Variants in TTC1 observed in about 807,000 individuals in gnomAD.
TTC1 encodes the protein tetratricopeptide repeat protein 1.
TTC1 carries 31 observed loss-of-function variants against 37.6 expected under a neutral mutation model. The observed-to-expected ratio is 0.82, with a 90% CI of 0.62 to 1.11. TTC1 has a LOEUF of 1.11. Among genes scored for constraint, TTC1 ranks in the 50% most tolerant of loss-of-function variants. TTC1 has a pLI of 0.00. For synonymous variants in TTC1, 127 were observed against 122.4 expected (o/e 1.04, Z -0.25); for missense variants, 351 against 339.0 (o/e 1.04, Z -0.28).
At chr5:160,026,079 G>A (rs1049096212) in intron 2 of TTC1, among the ~76,000 whole-genome samples, 3 of 152,196 alleles carry the variant, frequency 2.0e-5, no homozygotes, top group African/African-American at 7.2e-5. Flanking sequence ...ACTTAGAAGA[G>A]CTCTTTAAAA....
At chr5:160,025,406 C>T (rs2113356033) in intron 2 of TTC1, among the ~76,000 whole-genome samples, 1 of 152,324 alleles carries the variant, frequency 6.6e-6, no homozygotes, top group African/African-American at 2.4e-5. Flanking sequence ...AAGCAATCCA[C>T]CCTCCTTGGC....
intron 3 of TTC1, among the ~76,000 whole-genome samples, chr5:160,036,248 A>G (rs1756996863): frequency 6.6e-6 from 1 of 152,224 alleles, no homozygotes; most frequent in Non-Finnish European, 1.5e-5. Flanking sequence ...TGACTGTATG[A>G]AAGCACAACA....
At chr5:160,015,132 G>C (rs763541383) in intron 2 of TTC1, among the ~76,000 whole-genome samples, 1 of 152,172 alleles carries the variant, frequency 6.6e-6, no homozygotes, top group Non-Finnish European at 1.5e-5. Context: ...GTTTTAGAGG[G>C]TTGGAACTTT....
intron 2 of TTC1, among the ~76,000 whole-genome samples, chr5:160,027,186 G>A (rs1039005779): frequency 2.0e-5 from 3 of 151,868 alleles, no homozygotes; most frequent in Non-Finnish European, 4.4e-5. Context: ...ACACCACCAT[G>A]CCCAGCTAAT....
At chr5:160,038,633 G>C (rs1207330497) in intron 4 of TTC1, among the ~76,000 whole-genome samples, 1 of 146,364 alleles carries the variant, frequency 6.8e-6, no homozygotes, top group Non-Finnish European at 1.5e-5. Context: ...TGTTGGTGAA[G>C]TTTTCTGTTC....
intron 7 of TTC1, among the ~76,000 whole-genome samples, chr5:160,059,883 G>A (rs893145644): frequency 2.0e-5 from 3 of 152,184 alleles, no homozygotes; most frequent in African/African-American, 7.2e-5. Flanking sequence ...ACGTGCTATT[G>A]GAAAAATTGT....
At position 160,057,312 on chromosome 5, in the gene TTC1, A is replaced by T. The variant is rs951891802; in HGVS notation, c.745+6129A>T. Among the ~76,000 whole-genome samples, 1 of 152,216 alleles carries T rather than the reference A, an allele frequency of 6.6e-6. No individual in the cohort carries two copies. Among genetic ancestry groups the T allele is most frequent in the African/African-American group, 2.4e-5 (1 of 41,456 alleles). On this transcript the variant is annotated intron_variant, in intron 7 of 7. Coordinates refer to ENST00000231238, the MANE Select transcript of TTC1 (RefSeq NM_003314.3). This position sits in a 1 kb window ranked among gnomAD's most constrained non-coding sequence, Gnocchi z 4.4. ...GGTTCAGTTCCAGACCAGCACAATA[A>T]AGCGAGTCACAAGAATTTTTTGTTT...
intron 5 of TTC1, among the ~76,000 whole-genome samples, 200 bp downstream of exon 5, chr5:160,043,369 T>C (rs1310150222): frequency 2.6e-5 from 4 of 152,198 alleles, no homozygotes; most frequent in Admixed American, 2.6e-4. Flanking sequence ...TCTCCTCTAC[T>C]GGTAAATACA....
intron 2 of TTC1, among the ~76,000 whole-genome samples, chr5:160,026,967 T>C (rs916893619): frequency 1.3e-5 from 2 of 152,172 alleles, no homozygotes; most frequent in African/African-American, 4.8e-5. Context: ...TAGTGGTTGC[T>C]GTAGGAATTG....
chr5:160,048,246 G>T (rs1435356599), intron 5 of TTC1, among the ~76,000 whole-genome samples: 2 of 145,732 alleles, frequency 1.4e-5, no homozygotes, highest in Non-Finnish European at 3.0e-5. Flanking sequence ...CCGCCTCCTG[G>T]GTTCAAGTGA....
At chr5:160,051,081 G>GT in intron 6 of TTC1, 48 bp from the exon 7 acceptor site, 9 of 1,094,290 alleles carry the variant, frequency 8.2e-6, no homozygotes, top group Non-Finnish European at 1.0e-5. Context: ...GAAAGGTTTT[G>GT]GTTTTTTTTT....
chr5:160,031,194 A>T (rs1756901824), intron 2 of TTC1, among the ~76,000 whole-genome samples: 1 of 152,238 alleles, frequency 6.6e-6, no homozygotes, highest in Non-Finnish European at 1.5e-5. Context: ...GATGTTCAGC[A>T]TGATACTGAT....
chr5:160,041,313 CTTTT>C (rs368094676), intron 4 of TTC1, among the ~76,000 whole-genome samples: 6 of 135,606 alleles, frequency 4.4e-5, no homozygotes, highest in Admixed American at 7.6e-5. Flanking sequence ...TGCTTTCTTT[CTTTT>C]TTTTTTTTTT....
intron 7 of TTC1, among the ~76,000 whole-genome samples, chr5:160,059,513 A>T (rs1757640151): frequency 6.6e-6 from 1 of 152,212 alleles, no homozygotes; most frequent in Non-Finnish European, 1.5e-5. Context: ...TCATGTGTTC[A>T]TTGAAGTAGC....
chr5:160,030,852 A>G (rs1183928862), intron 2 of TTC1, among the ~76,000 whole-genome samples: 1 of 152,154 alleles, frequency 6.6e-6, no homozygotes, highest in Non-Finnish European at 1.5e-5. Flanking sequence ...GAGGTATGTA[A>G]GGGTTTTAAC....
chr5:160,056,218 G>A (rs1757543264), intron 7 of TTC1, among the ~76,000 whole-genome samples: 1 of 152,184 alleles, frequency 6.6e-6, no homozygotes, highest in Non-Finnish European at 1.5e-5. Context: ...CCTTTCACCA[G>A]CACCTGCTGC....
At chr5:160,043,471 C>A (rs947222214) in intron 5 of TTC1, among the ~76,000 whole-genome samples, 1 of 152,100 alleles carries the variant, frequency 6.6e-6, no homozygotes, top group South Asian at 2.1e-4. Flanking sequence ...GTGGCATGCC[C>A]CTGTAGTCCC....
In TTC1 at chr5:160,049,667, A is replaced by G; in HGVS notation, c.690+5A>G. On this transcript the variant is annotated splice_donor_5th_base_variant and intron_variant, in intron 6 of 7. Coordinates refer to ENST00000231238, the MANE Select transcript of TTC1 (RefSeq NM_003314.3). ...CAAGCAAGAGAAGCTTGTATGGTAA[A>G]ACCTAAAATTTTAAAAATATTTTTC... The G allele has an allele frequency of 6.4e-7, 1 of 1,561,746 alleles. No homozygotes were observed. The highest frequency in any genetic ancestry group is 1.2e-5 in the South Asian group (1 of 82,086).
chr5:160,021,713 A>G (rs1020191174), intron 2 of TTC1, among the ~76,000 whole-genome samples: 1 of 152,200 alleles, frequency 6.6e-6, no homozygotes, highest in African/African-American at 2.4e-5. Context: ...TTCAAAGAAG[A>G]CAAAACCAAA....
Sources: gnomAD v4.1 joint callset for allele counts (sites outside exome capture counted in the v4.1 genomes callset) on GRCh38, gnomAD v4.1.1 for gene constraint, Gnocchi (gnomAD v3.1) non-coding constraint, MANE v1.5 for transcripts, NCBI Gene and HGNC (gene_info 2026-07-23, HGNC 2026-07-21) for gene names.